ERCC2: variants seen among roughly 807,000 people sequenced by gnomAD.
The protein encoded by ERCC2 is ERCC excision repair 2, TFIIH core complex helicase subunit.
A neutral mutation model predicts 99.4 loss-of-function variants in ERCC2; 90 were observed. The observed-to-expected ratio is 0.91, with a 90% CI of 0.76 to 1.08. The LOEUF (loss-of-function observed/expected upper bound fraction) is 1.08, where lower values mean the gene tolerates loss of function less well. ERCC2 is among the 50% of genes least tolerant of loss of function. The pLI, the probability that ERCC2 is intolerant of heterozygous loss-of-function variation, is 0.00. For missense variants in ERCC2, 993 were observed against 1,038.1 expected, an observed-to-expected ratio of 0.96 and a Z score of 0.60; for synonymous variants, 497 against 432.4, an observed-to-expected ratio of 1.15 and a Z score of -1.85.
Position 45,350,491 on chromosome 19 carries a change from G to A in ERCC2, c.*1138C>T, listed in dbSNP as rs758539797. On this transcript the variant is annotated 3_prime_UTR_variant, in exon 23 of 23. Coordinates refer to ENST00000391945, the MANE Select transcript of ERCC2 (RefSeq NM_000400.4). ...GTGGCTTCTCTATGTCCCCATCTCA[G>A]TGTCCCCCATCTTTCCCCCTAGGTG... The A allele has an allele frequency of 2.2e-5, 36 of 1,613,702 alleles. No individual in the cohort carries two copies. Among genetic ancestry groups the A allele is most frequent in the Admixed American group, 5.0e-5 (3 of 59,994 alleles).
intron 15 of ERCC2, among the ~76,000 whole-genome samples, 165 bp downstream of exon 15, chr19:45,357,105 C>T (rs537576954): frequency 9.8e-5 from 15 of 152,316 alleles, no homozygotes; most frequent in African/African-American, 3.1e-4. Context: ...GCTTGAGAGT[C>T]GAGCCCACAG....
chr19:45,363,070 G>A (rs535058246), intron 11 of ERCC2, among the ~76,000 whole-genome samples: 1 of 152,118 alleles, frequency 6.6e-6, no homozygotes, highest in Non-Finnish European at 1.5e-5. Context: ...GTAAAGACCC[G>A]ACTCCTTGGC....
Position 45,364,847 on chromosome 19 carries a change from A to G in ERCC2, c.585T>C (p.Ala195=). ...CCACCAGCCTCCTCACTGAGTATCGAGCAAGGAAGTATGGGCACCAGCCCT... is the reference window on the plus strand; with the variant it reads ...CCACCAGCCTCCTCACTGAGTATCGGGCAAGGAAGTATGGGCACCAGCCCT... ...RRQGWCPYFL[A]RYSILHANVV... The change falls in exon 7 of 23, where the codon GCT becomes GCC. Residue 195 remains alanine, a synonymous_variant. Coordinates refer to ENST00000391945, the MANE Select transcript of ERCC2 (RefSeq NM_000400.4). The G allele has an allele frequency of 6.2e-7, 1 of 1,612,842 alleles. No homozygotes were observed. The highest frequency in any genetic ancestry group is 1.3e-5 in the African/African-American group (1 of 75,020).
Position 45,350,543 on chromosome 19 carries a change from G to A in ERCC2, c.*1086C>T, listed in dbSNP as rs199738278. 210 of 1,613,876 alleles carry A rather than the reference G, an allele frequency of 1.3e-4. No homozygotes were observed. Among genetic ancestry groups the A allele is most frequent in the Middle Eastern group, 1.7e-4 (1 of 6,060 alleles). On this transcript the variant is annotated 3_prime_UTR_variant, in exon 23 of 23. Transcript: ENST00000391945. ...CCCCAACACAGGCACAGCTGGTGAC[G>A]CAGAACAGGTGAGGATGGGCTGTGC...
chr19:45,351,343 C>G lies in ERCC2; in HGVS notation c.*286G>C. ...GACCCTCAGCGCCAGCACCCAGGACCTGAGCCCCCACTAACGTCCAGTGAA... is the reference window on the plus strand; with the variant it reads ...GACCCTCAGCGCCAGCACCCAGGACGTGAGCCCCCACTAACGTCCAGTGAA... On this transcript the variant is annotated 3_prime_UTR_variant, in exon 23 of 23. Coordinates refer to ENST00000391945, the MANE Select transcript of ERCC2 (RefSeq NM_000400.4). The G allele has an allele frequency of 6.2e-7, 1 of 1,611,686 alleles. No homozygotes were observed. The highest frequency in any genetic ancestry group is 8.5e-7 in the Non-Finnish European group (1 of 1,180,000).
Position 45,350,948 on chromosome 19 carries a change from TTGCAGAA to T in ERCC2, c.*674_*680del. 6.2e-6 allele frequency: 10 copies of T among 1,613,862 alleles called. No individual in the cohort carries two copies. Among genetic ancestry groups the T allele is most frequent in the Non-Finnish European group, 7.6e-6 (9 of 1,179,854 alleles). On this transcript the variant is annotated 3_prime_UTR_variant, in exon 23 of 23. Transcript: ENST00000391945. ...ACTCATTTCCTCCCTGCTGCCCTCT[TTGCAGAA>T]TGAAGAGAGCCATGTCACTCAACAC...
intron 7 of ERCC2, 131 bp downstream of exon 7, chr19:45,364,707 G>T: frequency 7.9e-7 from 1 of 1,270,004 alleles, no homozygotes; most frequent in Non-Finnish European, 1.1e-6. Flanking sequence ...ACAGATACGG[G>T]CACCCACCAA....
intron 11 of ERCC2, 139 bp downstream of exon 11, chr19:45,363,604 G>C: frequency 9.8e-7 from 1 of 1,021,438 alleles, no homozygotes; most frequent in Non-Finnish European, 1.4e-6. Context: ...GGTCAGACCA[G>C]ACAAGGTCCC....
At chr19:45,365,923 C>A (rs1972411788) in intron 5 of ERCC2, among the ~76,000 whole-genome samples, 1 of 152,192 alleles carries the variant, frequency 6.6e-6, no homozygotes, top group Non-Finnish European at 1.5e-5. Context: ...CATCCTTGAC[C>A]TCCCAGGCTC....
chr19:45,355,979 G>A lies in ERCC2; in HGVS notation c.1480-251C>T, dbSNP rs3916864. 6.9e-3 allele frequency among the ~76,000 whole-genome samples: 1,050 copies of A among 152,252 alleles called. 9 individuals carry two copies. The highest frequency in any genetic ancestry group is 0.024 in the African/African-American group (986 of 41,548). On this transcript the variant is annotated intron_variant, in intron 15 of 22. Transcript: ENST00000391945. ...CTGCTCTAAACTTTTTATAAACACA[G>A]TGTCATTGAATGAACCCTCAGCAAC...
chr19:45,368,094 G>T (rs1391263074), intron 5 of ERCC2, among the ~76,000 whole-genome samples: 1 of 151,680 alleles, frequency 6.6e-6, no homozygotes. Context: ...GGATGGTCTC[G>T]AACTCCTGAC....
At position 45,351,618 on chromosome 19, in the gene ERCC2, A is replaced by C. The variant is rs1358817914; in HGVS notation, c.*11T>G. The stretch of plus-strand genomic sequence containing the variant: ...GTCACCAGGAACCGTTTATGGCCCC[A>C]CCCGCCCCACTCAGAGCTGCTGAGC... On this transcript the variant is annotated 3_prime_UTR_variant, in exon 23 of 23. Coordinates refer to ENST00000391945, the MANE Select transcript of ERCC2 (RefSeq NM_000400.4). 1.2e-6 allele frequency: 2 copies of C among 1,613,362 alleles called. No homozygotes were observed. The highest frequency in any genetic ancestry group is 1.1e-5 in the South Asian group (1 of 91,054).
intron 5 of ERCC2, among the ~76,000 whole-genome samples, chr19:45,367,329 C>T (rs1044638097): frequency 4.7e-5 from 7 of 148,820 alleles, no homozygotes; most frequent in African/African-American, 9.9e-5. Context: ...AGTGAGACTC[C>T]GTCTCAAAAA....
chr19:45,353,385 G>T, intron 17 of ERCC2, 51 bp from the exon 18 acceptor site: 1 of 1,288,516 alleles, frequency 7.8e-7, no homozygotes, highest in Non-Finnish European at 1.1e-6. Flanking sequence ...CAGCCATCCT[G>T]GTTACATCCA....
rs761413186 is a variant in ERCC2 at position 45,354,790 on chromosome 19, G to T, written c.1605C>A (p.Ile535=). The change falls in exon 17 of 23, where the codon ATC becomes ATA. Residue 535 remains isoleucine (I), a synonymous_variant. Coordinates refer to ENST00000391945, the MANE Select transcript of ERCC2 (RefSeq NM_000400.4). ...LEMSAVVPDG[I]VAFFTSYQYM... ...ACTGGTAGCTGGTGAAGAAGGCCAC[G>T]ATGCCATCAGGGACCACAGCGGACA... The T allele has an allele frequency of 6.2e-7, 1 of 1,614,018 alleles. No homozygotes were observed. Among genetic ancestry groups the T allele is most frequent in the East Asian group, 2.2e-5 (1 of 44,898 alleles).
At chr19:45,357,189 C>T in intron 15 of ERCC2, 81 bp downstream of exon 15, 1 of 974,348 alleles carries the variant, frequency 1.0e-6, no homozygotes, top group Non-Finnish European at 1.6e-6. Flanking sequence ...CCTGCCTGAG[C>T]AGTGGGGGAA....
intron 5 of ERCC2, among the ~76,000 whole-genome samples, chr19:45,367,850 A>G (rs767902306): frequency 5.9e-5 from 9 of 151,602 alleles, no homozygotes; most frequent in Non-Finnish European, 7.4e-5. Context: ...AATGATAACT[A>G]ATATTGTATT....
intron 12 of ERCC2, 44 bp from the exon 13 acceptor site, chr19:45,357,743 C>T (rs1304229527): frequency 6.5e-7 from 1 of 1,549,850 alleles, no homozygotes; most frequent in East Asian, 2.2e-5. Context: ...CCCACTACAG[C>T]CACAGCTGCA....
rs776582436 is a variant in ERCC2, at chr19:45,351,246, C to T, written c.*383G>A. The T allele has an allele frequency of 2.9e-6, 2 of 690,830 alleles. No homozygotes were observed. The highest frequency in any genetic ancestry group is 2.7e-5 in the Admixed American group (1 of 36,940). 42.8% of individuals were successfully genotyped at this position (690,830 alleles called of 1,614,324 possible). A position where few individuals can be genotyped will look rare whatever the true frequency, so the allele number is the denominator to read the frequency against. On this transcript the variant is annotated 3_prime_UTR_variant, in exon 23 of 23. Transcript: ENST00000391945. The stretch of plus-strand genomic sequence containing the variant: ...CTGGAGGGTGGATGTAACACTTGCC[C>T]CTCACCTCCCCTCCAACCATCCCCT...
Sources: gnomAD v4.1 joint callset for allele counts (sites outside exome capture counted in the v4.1 genomes callset) on GRCh38, gnomAD v4.1.1 for gene constraint, MANE v1.5 for transcripts, NCBI Gene and HGNC (gene_info 2026-07-23, HGNC 2026-07-21) for gene names.